The following MACROD2 variants were observed in gnomAD, a reference collection of about 807,000 sequenced individuals.
MACROD2 encodes ADP-ribose glycohydrolase MACROD2.
A neutral mutation model predicts 70.4 loss-of-function variants in MACROD2; 36 were observed. That is an observed-to-expected ratio of 0.51 (90% CI 0.39 to 0.68). The LOEUF (loss-of-function observed/expected upper bound fraction) is 0.68, where lower values mean the gene tolerates loss of function less well. Among genes scored for constraint, MACROD2 ranks in the 30% least tolerant of loss-of-function variants. The pLI is 0.00. For missense variants in MACROD2, 496 were observed against 538.4 expected (o/e 0.92, Z 0.78); for synonymous variants, 172 against 178.8 (o/e 0.96, Z 0.30).
chr20:14,496,622 T>C lies in MACROD2; in HGVS notation c.301+3114T>C, dbSNP rs75609662. 9.8e-5 allele frequency among the ~76,000 whole-genome samples: 15 copies of C among 152,306 alleles called. No homozygotes were observed. The East Asian group carries it at 2.1e-3, about 22-fold the overall frequency. ...ATGTATTGCCACTGACTGCAGTTCA[T>C]TGTAGTGAGCATAGGTGATGTGATT... is the stretch of plus-strand genomic sequence containing the variant. On this transcript the variant is annotated intron_variant, in intron 4 of 17. Transcript: ENST00000684519.
chr20:14,013,674 CTTT>C (rs34386274), intron 2 of MACROD2, among the ~76,000 whole-genome samples: 78 of 70,960 alleles, frequency 1.1e-3, no homozygotes, highest in Middle Eastern at 0.018. Flanking sequence ...TTATATTAAG[CTTT>C]TTTTTTTTTT....
intron 3 of MACROD2, among the ~76,000 whole-genome samples, chr20:14,215,026 G>A (rs1417919814): frequency 6.7e-6 from 1 of 149,486 alleles, no homozygotes; most frequent in African/African-American, 2.5e-5. Flanking sequence ...ATATATATGT[G>A]TGTGTACATA....
chr20:15,904,194 G>GT lies in MACROD2; in HGVS notation c.775+18390dup, dbSNP rs570785842. 1.6e-4 allele frequency among the ~76,000 whole-genome samples: 25 copies of GT among 152,102 alleles called. No individual in the cohort carries two copies. The South Asian group carries it at 4.8e-3, about 29-fold the overall frequency. ...TTACATTTTTAATTTGTGTTTGTTT[G>GT]TTTTTTTAGAGACAGGGTCTCACTA... On this transcript the variant is annotated intron_variant, in intron 10 of 17. Coordinates refer to ENST00000684519, the MANE Select transcript of MACROD2 (RefSeq NM_001351661.2).
intron 7 of MACROD2, among the ~76,000 whole-genome samples, chr20:15,439,141 A>G (rs150155034): frequency 1.1e-3 from 162 of 152,264 alleles, no homozygotes; most frequent in African/African-American, 3.7e-3. Flanking sequence ...AGCCCATGGA[A>G]CAATGGTCAC....
intron 7 of MACROD2, among the ~76,000 whole-genome samples, chr20:15,480,936 G>A (rs2047088695): frequency 1.3e-5 from 2 of 150,604 alleles, no homozygotes; most frequent in South Asian, 4.2e-4. Flanking sequence ...TATCTTGCCT[G>A]TATTTTAACC....
intron 3 of MACROD2, among the ~76,000 whole-genome samples, chr20:14,475,439 G>A (rs1308456597): frequency 6.6e-6 from 1 of 152,072 alleles, no homozygotes; most frequent in Non-Finnish European, 1.5e-5. Flanking sequence ...AGTCTAGTTT[G>A]TCTGCAAAGT....
At chr20:14,852,609 C>G (rs2073211206) in intron 5 of MACROD2, among the ~76,000 whole-genome samples, 1 of 152,076 alleles carries the variant, frequency 6.6e-6, no homozygotes, top group African/African-American at 2.4e-5. Flanking sequence ...TGTGACAGAG[C>G]TTTTGTTCTG....
chr20:15,505,623 T>C (rs1362776315), intron 8 of MACROD2, among the ~76,000 whole-genome samples: 2 of 151,998 alleles, frequency 1.3e-5, no homozygotes, highest in African/African-American at 4.8e-5. Context: ...CCTAATATCC[T>C]CCCTCCTATC....
intron 8 of MACROD2, among the ~76,000 whole-genome samples, chr20:15,639,829 CAAAG>C (rs907191553): frequency 2.0e-5 from 3 of 148,230 alleles, no homozygotes; most frequent in African/African-American, 7.5e-5. Context: ...AGGAAAGAAA[CAAAG>C]AGAAGAAGAG....
intron 17 of MACROD2, among the ~76,000 whole-genome samples, chr20:16,046,285 C>G (rs1181589156): frequency 6.6e-6 from 1 of 151,966 alleles, no homozygotes. Flanking sequence ...TAGCATAAGA[C>G]TGCTAAAAAG....
intron 8 of MACROD2, among the ~76,000 whole-genome samples, chr20:15,519,055 T>TTTCCTTTC (rs2047608715): frequency 8.6e-6 from 1 of 116,340 alleles, no homozygotes; most frequent in South Asian, 3.5e-4. Flanking sequence ...TAACTCGCTC[T>TTTCCTTTC]TTCCTTCCTT....
intron 5 of MACROD2, among the ~76,000 whole-genome samples, chr20:14,786,865 C>G (rs1390620340): frequency 6.6e-6 from 1 of 151,970 alleles, no homozygotes; most frequent in Non-Finnish European, 1.5e-5. Context: ...CTGAGGCCTC[C>G]AAATACGTAT....
At chr20:14,482,570 G>T (rs996818380) in intron 3 of MACROD2, among the ~76,000 whole-genome samples, 5 of 151,834 alleles carry the variant, frequency 3.3e-5, no homozygotes, top group African/African-American at 7.3e-5. Flanking sequence ...GTCAGCTTCT[G>T]CATGAGCCAG....
intron 6 of MACROD2, among the ~76,000 whole-genome samples, chr20:15,423,814 C>T (rs1238123533): frequency 3.3e-5 from 5 of 151,992 alleles, no homozygotes; most frequent in Non-Finnish European, 4.4e-5. Flanking sequence ...CTACTCCCCT[C>T]GTGGAGTGTC....
chr20:15,125,555 G>A (rs1013240222), intron 5 of MACROD2, among the ~76,000 whole-genome samples: 9 of 152,038 alleles, frequency 5.9e-5, no homozygotes. Flanking sequence ...GCTGAGGAAA[G>A]TAGGGGTTAT....
At chr20:14,836,167 A>G (rs1264004515) in intron 5 of MACROD2, among the ~76,000 whole-genome samples, 2 of 152,104 alleles carry the variant, frequency 1.3e-5, no homozygotes, top group African/African-American at 4.8e-5. Context: ...CTCAAAAAAA[A>G]TTTTGGAAAA....
chr20:15,897,414 C>G (rs554326313), intron 10 of MACROD2, among the ~76,000 whole-genome samples: 1 of 152,198 alleles, frequency 6.6e-6, no homozygotes, highest in East Asian at 1.9e-4. Context: ...TTAGAATTTG[C>G]TGTACTTCTT....
chr20:14,008,300 A>G (rs114317186), intron 2 of MACROD2, among the ~76,000 whole-genome samples: 19 of 152,336 alleles, frequency 1.2e-4, no homozygotes, highest in African/African-American at 4.6e-4. Flanking sequence ...AAATGCATAC[A>G]AATCTCTAGC....
Position 14,326,375 on chromosome 20 carries a change from G to C in MACROD2, c.272-167104G>C. 6.2e-7 allele frequency: 1 copy of C among 1,613,908 alleles called. No homozygotes were observed. On this transcript the variant is annotated intron_variant, in intron 3 of 17. Transcript: ENST00000684519. The surrounding 1 kb of genome is among the most constrained non-coding windows in gnomAD (Gnocchi z 5.5). ...GTCACTGGAGCTGGCCACTGTCCTT[G>C]GGCAGGATACACTGTGTTGGGTATT...
Sources: gnomAD v4.1 joint callset for allele counts (sites outside exome capture counted in the v4.1 genomes callset) on GRCh38, gnomAD v4.1.1 for gene constraint, Gnocchi (gnomAD v3.1) non-coding constraint, MANE v1.5 for transcripts, NCBI Gene and HGNC (gene_info 2026-07-23, HGNC 2026-07-21) for gene names.